The following PNMA6F variants were observed in gnomAD, a reference collection of about 807,000 sequenced individuals.
PNMA6F encodes the protein PNMA family member 6F.
For synonymous variants in PNMA6F, 14 were observed against 3.4 expected, an observed-to-expected ratio of 4.15 and a Z score of -3.45; for missense variants, 57 against 10.8, an observed-to-expected ratio of 5.25 and a Z score of -5.98.
In PNMA6F at chrX:153,319,112, G is replaced by A. The variant is rs1172809381; in HGVS notation, c.1563C>T (p.Val521=). The A allele has an allele frequency of 1.3e-5, 4 of 299,934 alleles. No individual in the cohort carries two copies. Among genetic ancestry groups the A allele is most frequent in the Non-Finnish European group, 2.3e-5 (4 of 172,064 alleles). 24.7% of individuals were successfully genotyped at this position (299,934 alleles called of 1,213,427 possible). A position where few individuals can be genotyped will look rare whatever the true frequency, so the allele number is the denominator to read the frequency against. ...AGCTGGGACCTCCTGGGGCCATGTC[G>A]ACTGCACTGCCCATCCTGGCTGGGA... ...GGLPARMGSA[V]DMAPGGPSWE... Residue 521 remains valine, a synonymous_variant, in exon 2 of 2, where the codon GTC becomes GTT. Transcript: ENST00000436629.
Position 153,319,814 on chromosome X carries a change from C to T in PNMA6F, c.861G>A (p.Ser287=), listed in dbSNP as rs1807062284. Residue 287 remains serine (S), a synonymous_variant, in exon 2 of 2, where the codon TCG becomes TCA. Transcript: ENST00000436629. The stretch of plus-strand genomic sequence containing the variant: ...GCAGCCGCCTCCTTCTCTCCCTTTC[C>T]GACGCGTGGCACCACAGCTGCAGCA... ...KDMLQLWCHA[S]ERERRRRLLD... is the part of the protein sequence containing the mutation. 1.0e-5 allele frequency: 3 copies of T among 300,150 alleles called. No individual in the cohort carries two copies. Among genetic ancestry groups the T allele is most frequent in the South Asian group, 1.9e-4 (1 of 5,211 alleles). 24.7% of individuals were successfully genotyped at this position (300,150 alleles called of 1,213,427 possible).
rs1029726862 is a variant in PNMA6F, at chrX:153,319,964, C to T, written c.711G>A (p.Trp237Ter). The T allele has an allele frequency of 2.2e-5, 7 of 313,729 alleles. No homozygotes were observed. The highest frequency in any genetic ancestry group is 4.7e-5 in the East Asian group (1 of 21,213). 25.9% of individuals were successfully genotyped at this position (313,729 alleles called of 1,213,427 possible). Residue 237 changes from tryptophan to a stop codon, truncating the protein, a stop_gained, in exon 2 of 2, where the codon TGG becomes TGA. Transcript: ENST00000436629. LOFTEE classifies it low-confidence loss of function (END_TRUNC). ...TCACCAGAGGCCGCAGGGTCTGGCGCCATGACTGGGTCCAGGCCTCCACCA... is the reference window on the plus strand; with the variant it reads ...TCACCAGAGGCCGCAGGGTCTGGCGTCATGACTGGGTCCAGGCCTCCACCA... Reference protein sequence around the residue: ...AGVVEAWTQSWRQTLRPLVKT... With the variant: ...AGVVEAWTQS
chrX:153,319,817 C>T lies in PNMA6F; in HGVS notation c.858G>A (p.Ala286=), dbSNP rs989975283. Reference sequence around the variant, plus strand: ...GCCGCCTCCTTCTCTCCCTTTCCGACGCGTGGCACCACAGCTGCAGCATAT... The same window carrying T: ...GCCGCCTCCTTCTCTCCCTTTCCGATGCGTGGCACCACAGCTGCAGCATAT... ...AKDMLQLWCH[A]SERERRRRLL... Residue 286 remains alanine (A), a synonymous_variant, in exon 2 of 2, where the codon GCG becomes GCA. Transcript: ENST00000436629. 3.3e-6 allele frequency: 1 copy of T among 301,274 alleles called. No homozygotes were observed. The highest frequency in any genetic ancestry group is 5.8e-6 in the Non-Finnish European group (1 of 172,746). 24.8% of individuals were successfully genotyped at this position (301,274 alleles called of 1,213,427 possible).
rs1556958313 is a variant in PNMA6F, at chrX:153,317,708, G to C, written c.*1230C>G. 8.1e-6 allele frequency: 1 copy of C among 123,918 alleles called. No homozygotes were observed. The highest frequency in any genetic ancestry group is 3.2e-5 in the African/African-American group (1 of 30,932). The allele number at this position is 123,918 out of a possible 1,213,427, so 10.2% of individuals were successfully genotyped here. ...AACACTGAATGAAGTTTATTGAAGA[G>C]AAACATGTACTGAAACCATTGAAGA... On this transcript the variant is annotated 3_prime_UTR_variant, in exon 2 of 2. Transcript: ENST00000436629.
chrX:153,320,144 T>C lies in PNMA6F; in HGVS notation c.531A>G (p.Gly177=). The C allele has an allele frequency of 2.8e-6, 1 of 353,636 alleles. No individual in the cohort carries two copies. The highest frequency in any genetic ancestry group is 4.8e-6 in the Non-Finnish European group (1 of 206,662). The allele number at this position is 353,636 out of a possible 1,213,427, so 29.1% of individuals were successfully genotyped here. A position where few individuals can be genotyped will look rare whatever the true frequency, so the allele number is the denominator to read the frequency against. The stretch of plus-strand genomic sequence containing the variant: ...CTGCACCTCCTGCCTCACCTGCACC[T>C]CCTGCCTCACCTGCTGCTCCTGCCT... The part of the protein sequence containing the change: ...AGEAGAAGEA[G]GAGEAGGAGE... Residue 177 remains glycine (G), a synonymous_variant, in exon 2 of 2, where the codon GGA becomes GGG. Transcript: ENST00000436629.
Position 153,318,584 on chromosome X carries a change from C to T in PNMA6F, c.*354G>A, listed in dbSNP as rs182747122. The stretch of plus-strand genomic sequence containing the variant: ...AGAGGTGAGGGTGGGCTTCCCGGAA[C>T]GGGGGGCAGTCTGCCCCAGGGATGG... On this transcript the variant is annotated 3_prime_UTR_variant, in exon 2 of 2. Coordinates refer to ENST00000436629, the MANE Select transcript of PNMA6F (RefSeq NM_001354980.2). 6.4e-4 allele frequency: 94 copies of T among 147,137 alleles called. No homozygotes were observed. The highest frequency in any genetic ancestry group is 1.1e-3 in the Non-Finnish European group (80 of 75,785). The allele number at this position is 147,137 out of a possible 1,213,427, so 12.1% of individuals were successfully genotyped here.
rs1300105703 is a variant in PNMA6F at position 153,317,984 on chromosome X, G to C, written c.*954C>G. 8.6e-6 allele frequency: 1 copy of C among 116,220 alleles called. No homozygotes were observed. Among genetic ancestry groups the C allele is most frequent in the Non-Finnish European group, 1.9e-5 (1 of 52,567 alleles). The allele number at this position is 116,220 out of a possible 1,213,427, so 9.6% of individuals were successfully genotyped here. A position where few individuals can be genotyped will look rare whatever the true frequency, so the allele number is the denominator to read the frequency against. On this transcript the variant is annotated 3_prime_UTR_variant, in exon 2 of 2. Coordinates refer to ENST00000436629, the MANE Select transcript of PNMA6F (RefSeq NM_001354980.2). ...TCCCGAGCCCATCCGCTGGGGCAGG[G>C]CCCTGCCCTATAGCCCTCACAGGAC...
rs938079038 is a variant in PNMA6F at position 153,318,948 on chromosome X, G to C, written c.1727C>G (p.Pro576Arg). The change falls in exon 2 of 2, where the codon CCG (proline) becomes CGG (arginine). Residue 576 changes from proline (P) to arginine (R), a missense_variant. Transcript: ENST00000436629. ...AGEAGKPKSP[P>R]GK ...CAGGGCCCTCAGAGCCTATTTGCCC[G>C]GGGGGGACTTGGGCTTGCCCGCCTC... 1.0e-5 allele frequency: 3 copies of C among 298,856 alleles called. No homozygotes were observed. Among genetic ancestry groups the C allele is most frequent in the Non-Finnish European group, 1.8e-5 (3 of 171,388 alleles). The allele number at this position is 298,856 out of a possible 1,213,427, so 24.6% of individuals were successfully genotyped here. A position where few individuals can be genotyped will look rare whatever the true frequency, so the allele number is the denominator to read the frequency against.
chrX:153,319,151 G>T lies in PNMA6F; in HGVS notation c.1524C>A (p.Asp508Glu). The change falls in exon 2 of 2, where the codon GAC becomes GAA. Residue 508 changes from aspartate (D) to glutamate (E), a missense_variant. Coordinates refer to ENST00000436629, the MANE Select transcript of PNMA6F (RefSeq NM_001354980.2). The stretch of plus-strand genomic sequence containing the variant: ...TCCTGGCTGGGAGGCCCCCAGGGGC[G>T]TCGGGGGACCTTCCCTGACCTAGGC... Reference protein sequence around the residue: ...LEGLGQGRSPDAPGGLPARMG... With the variant: ...LEGLGQGRSPEAPGGLPARMG... The T allele has an allele frequency of 1.3e-5, 4 of 298,735 alleles. No individual in the cohort carries two copies. The highest frequency in any genetic ancestry group is 1.8e-5 in the Non-Finnish European group (3 of 170,745). 24.6% of individuals were successfully genotyped at this position (298,735 alleles called of 1,213,427 possible).
rs1303179164 is a variant in PNMA6F, at chrX:153,319,048, C to T, written c.1627G>A (p.Ala543Thr). 36 of 311,116 alleles carry T rather than the reference C, an allele frequency of 1.2e-4. No individual in the cohort carries two copies. The highest frequency in any genetic ancestry group is 2.0e-4 in the Non-Finnish European group (36 of 180,786). The allele number at this position is 311,116 out of a possible 1,213,427, so 25.6% of individuals were successfully genotyped here. ...EGLVQVGGQEAEEPPQEGLKP... is the reference protein window; with the variant it reads ...EGLVQVGGQETEEPPQEGLKP... Reference sequence around the variant, plus strand: ...AGCCCCTCCTGGGGAGGCTCCTCAGCCTCCTGGCCTCCAACCTGGACAAGG... The same window carrying T: ...AGCCCCTCCTGGGGAGGCTCCTCAGTCTCCTGGCCTCCAACCTGGACAAGG... Residue 543 changes from alanine (A) to threonine (T), a missense_variant, in exon 2 of 2, where the codon GCT becomes ACT. Transcript: ENST00000436629.
rs2051981097 is a variant in PNMA6F at position 153,319,583 on chromosome X, C to G, written c.1092G>C (p.Leu364=). 2 of 298,230 alleles carry G rather than the reference C, an allele frequency of 6.7e-6. No individual in the cohort carries two copies. The highest frequency in any genetic ancestry group is 9.5e-5 in the East Asian group (2 of 21,055). 24.6% of individuals were successfully genotyped at this position (298,230 alleles called of 1,213,427 possible). ...LFAFVVRLEG[L]LQKAVEKGAV... is the part of the protein sequence containing the mutation. Reference sequence around the variant, plus strand: ...CCCCCTTCTCCACGGCCTTCTGCAGCAGGCCTTCCAGGCGCACCACGAAGG... The same window carrying G: ...CCCCCTTCTCCACGGCCTTCTGCAGGAGGCCTTCCAGGCGCACCACGAAGG... Residue 364 remains leucine, a synonymous_variant, in exon 2 of 2, where the codon CTG becomes CTC. Transcript: ENST00000436629.
rs1279164676 is a variant in PNMA6F, at chrX:153,318,094, G to T, written c.*844C>A. 8.5e-6 allele frequency: 1 copy of T among 117,016 alleles called. No individual in the cohort carries two copies. Among genetic ancestry groups the T allele is most frequent in the African/African-American group, 3.3e-5 (1 of 30,710 alleles). The allele number at this position is 117,016 out of a possible 1,213,427, so 9.6% of individuals were successfully genotyped here. On this transcript the variant is annotated 3_prime_UTR_variant, in exon 2 of 2. Coordinates refer to ENST00000436629, the MANE Select transcript of PNMA6F (RefSeq NM_001354980.2). ...CAGGAATAGAACACCAAAGCACAAA[G>T]CTCCCCGGGGAGCCTCAGGCAGGGC... is the stretch of plus-strand genomic sequence containing the variant.
chrX:153,320,603 G>A lies in PNMA6F; in HGVS notation c.72C>T (p.Asp24=), dbSNP rs782771678. The change falls in exon 2 of 2, where the codon GAC becomes GAT. Residue 24 remains aspartate, a synonymous_variant. Coordinates refer to ENST00000436629, the MANE Select transcript of PNMA6F (RefSeq NM_001354980.2). ...ERSLLILDIP[D]DCEEHEFQEA... Reference sequence around the variant, plus strand: ...CCTGGAACTCATGTTCCTCGCAGTCGTCAGGGATATCCAGGATGAGCAGAG... The same window carrying A: ...CCTGGAACTCATGTTCCTCGCAGTCATCAGGGATATCCAGGATGAGCAGAG... 54 of 295,769 alleles carry A rather than the reference G, an allele frequency of 1.8e-4. No homozygotes were observed. The highest frequency in any genetic ancestry group is 3.6e-4 in the African/African-American group (13 of 36,262). 24.4% of individuals were successfully genotyped at this position (295,769 alleles called of 1,213,427 possible). A position where few individuals can be genotyped will look rare whatever the true frequency, so the allele number is the denominator to read the frequency against.
chrX:153,318,247 C>A lies in PNMA6F; in HGVS notation c.*691G>T, dbSNP rs1015326335. On this transcript the variant is annotated 3_prime_UTR_variant, in exon 2 of 2. Coordinates refer to ENST00000436629, the MANE Select transcript of PNMA6F (RefSeq NM_001354980.2). ...GAGCGTCCATCGTGCCCTGGCGCCT[C>A]CTTCCACCATCTCCCAGGACTGTGC... The A allele has an allele frequency of 4.1e-5, 5 of 121,363 alleles. No individual in the cohort carries two copies. Among genetic ancestry groups the A allele is most frequent in the African/African-American group, 1.6e-4 (5 of 30,654 alleles). The allele number at this position is 121,363 out of a possible 1,213,427, so 10.0% of individuals were successfully genotyped here.
In PNMA6F at chrX:153,319,693, G is replaced by T. The variant is rs782790291; in HGVS notation, c.982C>A (p.Gln328Lys). ...SAQDCLTALG[Q>K]VFRSRDTWMT... ...CATGTATCCCGGCTCCTAAACACCTGCCCCAGCGCCGTCAGGCAGTCCTGC... is the reference window on the plus strand; with the variant it reads ...CATGTATCCCGGCTCCTAAACACCTTCCCCAGCGCCGTCAGGCAGTCCTGC... The change falls in exon 2 of 2, where the codon CAG becomes AAG. Residue 328 changes from glutamine to lysine, a missense_variant. By Grantham distance (53) the Gln-to-Lys change is moderately conservative. Transcript: ENST00000436629. 3.4e-6 allele frequency: 1 copy of T among 297,247 alleles called. No homozygotes were observed. Among genetic ancestry groups the T allele is most frequent in the African/African-American group, 2.7e-5 (1 of 36,741 alleles). The allele number at this position is 297,247 out of a possible 1,213,427, so 24.5% of individuals were successfully genotyped here. A position where few individuals can be genotyped will look rare whatever the true frequency, so the allele number is the denominator to read the frequency against.
chrX:153,319,614 AGCCCCTCCT>A lies in PNMA6F; in HGVS notation c.1052_1060del (p.Gln351_Gly353del), dbSNP rs1346810800. On this transcript the variant is annotated inframe_deletion, in exon 2 of 2. Transcript: ENST00000436629. Reference sequence around the variant, plus strand: ...TTCCAGGCGCACCACGAAGGCAAACAGCCCCTCCTGGGGCCCCTGCGTGCAGGTCAGGAA... The same window carrying A: ...TTCCAGGCGCACCACGAAGGCAAACAGGGGCCCCTGCGTGCAGGTCAGGAA... 3 of 296,828 alleles carry A rather than the reference AGCCCCTCCT, an allele frequency of 1.0e-5. No homozygotes were observed. The East Asian group carries it at 1.4e-4, about 14-fold the overall frequency. 24.5% of individuals were successfully genotyped at this position (296,828 alleles called of 1,213,427 possible). A position where few individuals can be genotyped will look rare whatever the true frequency, so the allele number is the denominator to read the frequency against.
chrX:153,319,708 G>A lies in PNMA6F; in HGVS notation c.967C>T (p.Leu323=). 3.3e-6 allele frequency: 1 copy of A among 298,674 alleles called. No homozygotes were observed. The highest frequency in any genetic ancestry group is 4.7e-5 in the East Asian group (1 of 21,099). The allele number at this position is 298,674 out of a possible 1,213,427, so 24.6% of individuals were successfully genotyped here. ...CTAAACACCTGCCCCAGCGCCGTCA[G>A]GCAGTCCTGCGCAGAGAAGTCTGGA... ...EDPDFSAQDC[L]TALGQVFRSR... is the part of the protein sequence containing the mutation. The change falls in exon 2 of 2, where the codon CTG becomes TTG. Residue 323 remains leucine, a synonymous_variant. Coordinates refer to ENST00000436629, the MANE Select transcript of PNMA6F (RefSeq NM_001354980.2).
chrX:153,320,854 A>G, intron 1 of PNMA6F, 97 bp from the exon 2 acceptor site: 1 of 257,028 alleles, frequency 3.9e-6, no homozygotes, highest in Admixed American at 8.6e-5. Flanking sequence ...TGCAGCAGCC[A>G]GGGATCCATT....
In PNMA6F at chrX:153,319,858, A is replaced by G. The variant is rs186659416; in HGVS notation, c.817T>C (p.Leu273=). The change falls in exon 2 of 2, where the codon TTG becomes CTG. Residue 273 remains leucine, a synonymous_variant. Transcript: ENST00000436629. ...TGCAGCATATCCTTGGCGTCCTCCA[A>G]CCAGCTCTCAAAGGACTCTTCCACG... is the stretch of plus-strand genomic sequence containing the variant. ...GCVEESFESW[L]EDAKDMLQLW... The G allele has an allele frequency of 4.3e-5, 13 of 300,812 alleles. No homozygotes were observed. The South Asian group carries it at 7.6e-4, about 18-fold the overall frequency. 24.8% of individuals were successfully genotyped at this position (300,812 alleles called of 1,213,427 possible). A position where few individuals can be genotyped will look rare whatever the true frequency, so the allele number is the denominator to read the frequency against.
Sources: allele counts gnomAD v4.1 joint callset, GRCh38; gene constraint gnomAD v4.1.1; transcripts MANE v1.5; gene names NCBI Gene and HGNC (gene_info 2026-07-23, HGNC 2026-07-21).